Variants in COL24A1 observed in about 807,000 individuals in gnomAD.
COL24A1 encodes collagen type XXIV alpha 1 chain.
In COL24A1, 224 loss-of-function variants were observed where a neutral mutation model predicts 253.9. The ratio of observed to expected loss-of-function variants is 0.88; its 90% CI spans 0.79 to 0.99. The LOEUF is 0.99. Among genes scored for constraint, COL24A1 ranks in the 50% least tolerant of loss-of-function variants. The probability of loss-of-function intolerance (pLI) is 0.00; values close to 1 mark genes in which losing one functional copy is unlikely to be tolerated. For missense variants in COL24A1, 2,131 were observed against 2,068.5 expected, an observed-to-expected ratio of 1.03 and a Z score of -0.59; for synonymous variants, 685 against 673.7, an observed-to-expected ratio of 1.02 and a Z score of -0.26.
chr1:85,829,525 C>G (rs1293045330), intron 43 of COL24A1, among the ~76,000 whole-genome samples: 8 of 151,928 alleles, frequency 5.3e-5, no homozygotes, highest in Non-Finnish European at 5.9e-5. Flanking sequence ...TGTTTTCCAA[C>G]TTGGTTCCAT....
intron 23 of COL24A1, among the ~76,000 whole-genome samples, chr1:85,964,369 A>C (rs1024717943): frequency 3.3e-5 from 5 of 152,156 alleles, no homozygotes; most frequent in Admixed American, 2.0e-4. Context: ...AAGGTTACCC[A>C]GTGATTATCT....
chr1:85,767,127 TAA>T (rs1667466705), intron 53 of COL24A1, among the ~76,000 whole-genome samples: 3 of 151,318 alleles, frequency 2.0e-5, no homozygotes, highest in Non-Finnish European at 2.9e-5. Context: ...ATAATAATAA[TAA>T]TAATAAGATT....
chr1:85,958,021 C>T (rs1219562787), intron 24 of COL24A1, among the ~76,000 whole-genome samples: 1 of 152,134 alleles, frequency 6.6e-6, no homozygotes, highest in Non-Finnish European at 1.5e-5. Flanking sequence ...TCCACCACAA[C>T]AGCTAACATT....
At position 85,961,274 on chromosome 1, in the gene COL24A1, C is replaced by T. The variant is rs748650963; in HGVS notation, c.2537G>A (p.Gly846Glu). 2 of 1,604,652 alleles carry T rather than the reference C, an allele frequency of 1.2e-6. No homozygotes were observed. Among genetic ancestry groups the T allele is most frequent in the African/African-American group, 1.3e-5 (1 of 74,612 alleles). Reference sequence around the variant, plus strand: ...TGTTTCACCAATTTTTCCAATATTTCCTTGATCTCCTACTTCTCCCTGTCA... The same window carrying T: ...TGTTTCACCAATTTTTCCAATATTTTCTTGATCTCCTACTTCTCCCTGTCA... Reference protein sequence around the residue: ...EGLKGEVGDQGNIGKIGETGP... With the variant: ...EGLKGEVGDQENIGKIGETGP... The change falls in exon 24 of 60, where the codon GGA becomes GAA. Residue 846 changes from glycine (G) to glutamate (E), a missense_variant. Coordinates refer to ENST00000370571, the MANE Select transcript of COL24A1 (RefSeq NM_152890.7).
chr1:85,868,433 G>A (rs1337525947), intron 37 of COL24A1, 86 bp downstream of exon 37: 2 of 868,290 alleles, frequency 2.3e-6, no homozygotes, highest in African/African-American at 1.7e-5. Context: ...ATATAAGGAG[G>A]TCAGAGTGTG....
chr1:85,777,499 T>C (rs1173312444), intron 52 of COL24A1, among the ~76,000 whole-genome samples: 1 of 152,158 alleles, frequency 6.6e-6, no homozygotes, highest in Non-Finnish European at 1.5e-5. Context: ...ATATAATAAA[T>C]TCTTTTAAAC....
chr1:85,921,392 G>A (rs1312403907), intron 24 of COL24A1, among the ~76,000 whole-genome samples: 1 of 152,218 alleles, frequency 6.6e-6, no homozygotes, highest in African/African-American at 2.4e-5. Context: ...AGGGGCATCT[G>A]CCATTGCTGA....
intron 24 of COL24A1, among the ~76,000 whole-genome samples, chr1:85,952,145 T>G (rs1301274012): frequency 6.6e-6 from 1 of 152,164 alleles, no homozygotes; most frequent in Non-Finnish European, 1.5e-5. Flanking sequence ...GATAACTTTT[T>G]CAAAATAATA....
chr1:85,791,684 A>G (rs974804179), intron 47 of COL24A1, among the ~76,000 whole-genome samples: 8 of 152,186 alleles, frequency 5.3e-5, no homozygotes, highest in African/African-American at 1.2e-4. Context: ...TTCAATGAAA[A>G]TCATACGCTC....
intron 10 of COL24A1, among the ~76,000 whole-genome samples, chr1:86,051,698 T>C (rs1436169370): frequency 6.6e-6 from 1 of 152,098 alleles, no homozygotes; most frequent in African/African-American, 2.4e-5. Context: ...ATATTTTCAC[T>C]TTATAAATTC....
At chr1:85,882,004 G>T (rs1681905047) in intron 32 of COL24A1, among the ~76,000 whole-genome samples, 1 of 151,942 alleles carries the variant, frequency 6.6e-6, no homozygotes, top group South Asian at 2.1e-4. Flanking sequence ...TGCATCCCAC[G>T]AATTTTGACA....
chr1:85,757,236 A>C (rs1176702483), intron 55 of COL24A1, among the ~76,000 whole-genome samples: 3 of 152,214 alleles, frequency 2.0e-5, no homozygotes, highest in Admixed American at 2.0e-4. Flanking sequence ...CCAACATTAA[A>C]AATAACAAGT....
chr1:86,092,295 G>GA lies in COL24A1; in HGVS notation c.1624dup (p.Ser542PhefsTer12). 1 of 1,605,814 alleles carries GA rather than the reference G, an allele frequency of 6.2e-7. No individual in the cohort carries two copies. The highest frequency in any genetic ancestry group is 8.5e-7 in the Non-Finnish European group (1 of 1,173,992). On this transcript the variant is annotated frameshift_variant, in exon 6 of 60. Coordinates refer to ENST00000370571, the MANE Select transcript of COL24A1 (RefSeq NM_152890.7). LOFTEE classifies it high-confidence loss of function. Reference sequence around the variant, plus strand: ...TTCTCCAGGAACAGGTTGACCTGGGGAAAATCCTGGATCTCCTTTGGGGCC... The same window carrying GA: ...TTCTCCAGGAACAGGTTGACCTGGGGAAAAATCCTGGATCTCCTTTGGGGCC...
At chr1:85,900,090 G>T (rs950771525) in intron 28 of COL24A1, among the ~76,000 whole-genome samples, 1 of 152,044 alleles carries the variant, frequency 6.6e-6, no homozygotes, top group Admixed American at 6.6e-5. Context: ...TGCAAATCAA[G>T]GAACTCCCTC....
At chr1:85,816,737 G>A in intron 47 of COL24A1, 51 bp downstream of exon 47, 1 of 1,454,692 alleles carries the variant, frequency 6.9e-7, no homozygotes, top group Non-Finnish European at 9.7e-7. Context: ...GGTCTAGCAA[G>A]GAGACACATG....
intron 2 of COL24A1, 25 bp from the exon 3 acceptor site, chr1:86,126,239 GA>G: frequency 6.5e-7 from 1 of 1,544,222 alleles, no homozygotes; most frequent in Non-Finnish European, 8.7e-7. Context: ...AAGAGAGAGA[GA>G]AAGAATCTTA....
Position 85,853,370 on chromosome 1 carries a change from T to C in COL24A1, c.3301-3964A>G, listed in dbSNP as rs186561327. The stretch of plus-strand genomic sequence containing the variant: ...CCACTTTTTTTTTTATCCAGTCCAC[T>C]GTTGATGGAGATCTAGGCTGATTCC... On this transcript the variant is annotated intron_variant, in intron 37 of 59. Transcript: ENST00000370571. 6.0e-4 allele frequency among the ~76,000 whole-genome samples: 92 copies of C among 152,260 alleles called. 1 individual carries two copies. The highest frequency in any genetic ancestry group is 2.0e-3 in the African/African-American group (85 of 41,574).
In COL24A1 at chr1:85,928,760, A is replaced by G. The variant is rs1468942410; in HGVS notation, c.2563-17327T>C. ...TGGCAGAAACTCTATAAGCCAGAAG[A>G]GAGTGGGGGCCAATATTCAACATTC... On this transcript the variant is annotated intron_variant, in intron 24 of 59. Transcript: ENST00000370571. Among the ~76,000 whole-genome samples the G allele has an allele frequency of 7.9e-5, 5 of 62,968 alleles. 2 individuals carry two copies. Among genetic ancestry groups the G allele is most frequent in the African/African-American group, 3.3e-4 (5 of 15,272 alleles). 41.3% of individuals were successfully genotyped at this position (62,968 alleles called of 152,430 possible).
At chr1:85,877,489 A>G (rs1250612174) in intron 32 of COL24A1, among the ~76,000 whole-genome samples, 1 of 151,786 alleles carries the variant, frequency 6.6e-6, no homozygotes, top group Non-Finnish European at 1.5e-5. Flanking sequence ...CTGCCTCCCA[A>G]GTAGCTGGGA....
Sources: allele counts gnomAD v4.1 joint callset (sites outside exome capture counted in the v4.1 genomes callset), GRCh38; gene constraint gnomAD v4.1.1; transcripts MANE v1.5; gene names NCBI Gene and HGNC (gene_info 2026-07-23, HGNC 2026-07-21).